Variants in ZNF385B observed in about 807,000 individuals in gnomAD.
ZNF385B encodes the protein zinc finger protein 385B.
In ZNF385B, 23 loss-of-function variants were observed where a neutral mutation model predicts 39.2. The ratio of observed to expected loss-of-function variants is 0.59; its 90% CI spans 0.42 to 0.83. ZNF385B has a LOEUF of 0.83. ZNF385B is among the 40% of genes least tolerant of loss of function. The pLI is 0.00. For missense variants in ZNF385B, 552 were observed against 598.9 expected (o/e 0.92, Z 0.82); for synonymous variants, 205 against 222.6 (o/e 0.92, Z 0.70).
At position 179,446,461 on chromosome 2, in the gene ZNF385B, A is replaced by G. The variant is rs1188443040; in HGVS notation, c.961+64T>C. Reference sequence around the variant, plus strand: ...AGGTCTGAACAACAAAAGATATGGTATTCTGATGGGAAAAGTTGGGTTTTG... The same window carrying G: ...AGGTCTGAACAACAAAAGATATGGTGTTCTGATGGGAAAAGTTGGGTTTTG... On this transcript the variant is annotated intron_variant, in intron 7 of 9. Transcript: ENST00000410066. The G allele has an allele frequency of 1.2e-5, 19 of 1,552,874 alleles. No individual in the cohort carries two copies. In the East Asian group the frequency reaches 3.8e-4, roughly 31 times the overall value.
intron 1 of ZNF385B, among the ~76,000 whole-genome samples, chr2:179,779,300 C>A (rs778120347): frequency 1.2e-4 from 19 of 152,236 alleles, no homozygotes; most frequent in African/African-American, 4.6e-4. Context: ...GGAAGCAAGA[C>A]GAAAGATGGC....
intron 3 of ZNF385B, among the ~76,000 whole-genome samples, chr2:179,593,255 G>T (rs1687724821): frequency 6.6e-6 from 1 of 152,040 alleles, no homozygotes; most frequent in Non-Finnish European, 1.5e-5. Context: ...TTCTGAAAAA[G>T]ACATTATTAA....
chr2:179,689,622 G>T (rs931884652), intron 3 of ZNF385B, among the ~76,000 whole-genome samples: 2 of 152,108 alleles, frequency 1.3e-5, no homozygotes, highest in Non-Finnish European at 2.9e-5. Flanking sequence ...TTTTCCATTT[G>T]CCCTTCTAGA....
intron 3 of ZNF385B, among the ~76,000 whole-genome samples, chr2:179,652,846 C>A (rs1196572154): frequency 4.7e-4 from 66 of 140,476 alleles, no homozygotes; most frequent in South Asian, 4.6e-4. Context: ...AGCAAAGCAC[C>A]AAAAAAAAAA....
At chr2:179,454,506 T>G (rs2050479758) in intron 6 of ZNF385B, among the ~76,000 whole-genome samples, 2 of 116,454 alleles carry the variant, frequency 1.7e-5, no homozygotes, top group Admixed American at 7.8e-5. Context: ...CTCCTTCCAT[T>G]TATAAAAAAA....
intron 5 of ZNF385B, 25 bp from the exon 6 acceptor site, chr2:179,483,459 C>T (rs773138427): frequency 1.7e-5 from 27 of 1,612,650 alleles, no homozygotes; most frequent in Non-Finnish European, 2.0e-5. Flanking sequence ...AAATCAGGCT[C>T]ATTTTTTTGC....
chr2:179,705,873 T>G (rs944069642), intron 3 of ZNF385B, among the ~76,000 whole-genome samples: 1 of 152,168 alleles, frequency 6.6e-6, no homozygotes, highest in African/African-American at 2.4e-5. Flanking sequence ...AAGCAGTGAG[T>G]TGAGTTTGGC....
At chr2:179,581,804 A>C (rs1265402707) in intron 3 of ZNF385B, among the ~76,000 whole-genome samples, 1 of 152,194 alleles carries the variant, frequency 6.6e-6, no homozygotes, top group Non-Finnish European at 1.5e-5. Context: ...TGCCCTTAGA[A>C]AGGTGTGTTT....
At position 179,847,403 on chromosome 2, in the gene ZNF385B, T is replaced by C. The variant is rs555039037; in HGVS notation, c.-155+13698A>G. On this transcript the variant is annotated intron_variant, in intron 1 of 9. Coordinates refer to ENST00000410066, the MANE Select transcript of ZNF385B (RefSeq NM_152520.6). ...TCTATATAGTTCATAATTAATACAATTTTCTCTTAAAATGTACCTATTCCT... is the reference window on the plus strand; with the variant it reads ...TCTATATAGTTCATAATTAATACAACTTTCTCTTAAAATGTACCTATTCCT... 3.9e-5 allele frequency among the ~76,000 whole-genome samples: 6 copies of C among 152,202 alleles called. No homozygotes were observed. The East Asian group carries it at 7.7e-4, about 20-fold the overall frequency.
chr2:179,840,400 A>G lies in ZNF385B; in HGVS notation c.-155+20701T>C, dbSNP rs371845242. Among the ~76,000 whole-genome samples, 7 of 152,206 alleles carry G rather than the reference A, an allele frequency of 4.6e-5. No individual in the cohort carries two copies. In the East Asian group the frequency reaches 9.6e-4, roughly 21 times the overall value. On this transcript the variant is annotated intron_variant, in intron 1 of 9. Coordinates refer to ENST00000410066, the MANE Select transcript of ZNF385B (RefSeq NM_152520.6). ...ATTGTCTGTGCAAAATTGAACCATC[A>G]AAGTTCAATGATAAGAGCAACGTCA...
intron 6 of ZNF385B, 92 bp downstream of exon 6, chr2:179,483,180 G>T: frequency 7.1e-7 from 1 of 1,404,376 alleles, no homozygotes; most frequent in Non-Finnish European, 9.9e-7. Context: ...ATCATGGAGA[G>T]TAACATGCAA....
chr2:179,686,604 G>A (rs1515287), intron 3 of ZNF385B, among the ~76,000 whole-genome samples: 76,487 of 151,752 alleles, frequency 0.5, 19,499 homozygotes, highest in East Asian at 0.73. Context: ...ATGACTGGTC[G>A]GCAGTTAGGA....
chr2:179,500,318 C>T (rs1057164483), intron 5 of ZNF385B, among the ~76,000 whole-genome samples: 11 of 151,978 alleles, frequency 7.2e-5, no homozygotes, highest in Admixed American at 6.6e-4. Flanking sequence ...CTATCCTACA[C>T]CAAAAGAACA....
At chr2:179,850,144 T>C (rs1190662461) in intron 1 of ZNF385B, among the ~76,000 whole-genome samples, 3 of 152,056 alleles carry the variant, frequency 2.0e-5, no homozygotes, top group African/African-American at 7.2e-5. Context: ...AAAGGTGAAG[T>C]AATTGTTCAA....
Position 179,744,369 on chromosome 2 carries a change from G to A in ZNF385B, c.298+25134C>T, listed in dbSNP as rs555977382. ...TTAGCAGAAGCTATCGGCTTTGACAGTACACCGAAATCCTGGCAGTGAACC... is the reference window on the plus strand; with the variant it reads ...TTAGCAGAAGCTATCGGCTTTGACAATACACCGAAATCCTGGCAGTGAACC... On this transcript the variant is annotated intron_variant, in intron 3 of 9. Coordinates refer to ENST00000410066, the MANE Select transcript of ZNF385B (RefSeq NM_152520.6). Among the ~76,000 whole-genome samples, 3 of 150,664 alleles carry A rather than the reference G, an allele frequency of 2.0e-5. No homozygotes were observed. In the East Asian group the frequency reaches 5.9e-4, roughly 30 times the overall value.
At chr2:179,631,372 T>C (rs1691198610) in intron 3 of ZNF385B, among the ~76,000 whole-genome samples, 1 of 152,128 alleles carries the variant, frequency 6.6e-6, no homozygotes, top group Admixed American at 6.5e-5. Flanking sequence ...TATTCAACAT[T>C]ATTAGAGAAA....
intron 3 of ZNF385B, among the ~76,000 whole-genome samples, chr2:179,729,128 C>CAAAAAAAAAAAAA (rs767380342): frequency 1.3e-5 from 1 of 76,650 alleles, no homozygotes; most frequent in Non-Finnish European, 2.9e-5. Context: ...ATTCTATTCT[C>CAAAAAAAAAAAAA]AAAAAAAAAA....
chr2:179,567,789 G>C (rs1515303), intron 3 of ZNF385B, among the ~76,000 whole-genome samples: 146,894 of 152,278 alleles, frequency 0.96, 70,926 homozygotes, highest in East Asian at 1. Flanking sequence ...TTGGCAAGTC[G>C]TGTTGTCTCC....
In ZNF385B at chr2:179,835,600, C is replaced by T. The variant is rs532516935; in HGVS notation, c.-155+25501G>A. 3.3e-4 allele frequency among the ~76,000 whole-genome samples: 50 copies of T among 152,224 alleles called. 1 individual carries two copies. In the South Asian group the frequency reaches 6.2e-3, roughly 19 times the overall value. ...GCCATACCAACCACTGCACTATCTG[C>T]CCCTGTCAGTTCTCAATTCCTACCT... On this transcript the variant is annotated intron_variant, in intron 1 of 9. Transcript: ENST00000410066.
Sources: allele counts gnomAD v4.1 joint callset (sites outside exome capture counted in the v4.1 genomes callset), GRCh38; gene constraint gnomAD v4.1.1; transcripts MANE v1.5; gene names NCBI Gene and HGNC (gene_info 2026-07-23, HGNC 2026-07-21).